The following HYDIN variants were observed in gnomAD, a reference collection of about 807,000 sequenced individuals.
HYDIN encodes the protein HYDIN axonemal central pair apparatus protein, also known as axonemal central pair apparatus protein HYDIN.
Under a neutral mutation model 403.9 loss-of-function variants are expected in HYDIN, and 132 were observed. That is an observed-to-expected ratio of 0.33 (90% CI 0.28 to 0.38). The LOEUF (loss-of-function observed/expected upper bound fraction) is 0.38. Ranked by LOEUF, HYDIN falls within the 10% of genes least tolerant of loss-of-function variation. The pLI, the probability that HYDIN is intolerant of heterozygous loss-of-function variation, is 1.00. For missense variants in HYDIN, 2,827 were observed against 5,009.5 expected (o/e 0.56, Z 13.15); for synonymous variants, 1,202 against 1,891.7 (o/e 0.64, Z 9.46).
intron 10 of HYDIN, among the ~76,000 whole-genome samples, chr16:71,111,086 TCAGAGAACA>T (rs757776214): frequency 0.6 from 46,421 of 77,078 alleles, 15,541 homozygotes; most frequent in East Asian, 0.8. Context: ...TATGGGCAAT[TCAGAGAACA>T]TAAGATTTAT....
intron 18 of HYDIN, among the ~76,000 whole-genome samples, chr16:71,056,729 A>C (rs2081910846): frequency 1.3e-5 from 2 of 152,286 alleles, no homozygotes; most frequent in Admixed American, 6.5e-5. Context: ...AAGAACTTCC[A>C]GCACCTGAAT....
chr16:70,933,109 G>T (rs2077397196), intron 45 of HYDIN, among the ~76,000 whole-genome samples: 1 of 151,740 alleles, frequency 6.6e-6, no homozygotes, highest in South Asian at 2.1e-4. Context: ...ACCAGGGGGT[G>T]TGATGATGGA....
At chr16:71,036,970 C>G (rs1204664429) in intron 18 of HYDIN, among the ~76,000 whole-genome samples, 1 of 144,612 alleles carries the variant, frequency 6.9e-6, no homozygotes, top group Admixed American at 7.0e-5. Context: ...GAGGGCATTC[C>G]GTAATTCTTT....
rs890461365 is a variant in HYDIN, at chr16:70,804,498, C to T, written c.*3082G>A. Among the ~76,000 whole-genome samples, 10 of 152,216 alleles carry T rather than the reference C, an allele frequency of 6.6e-5. No homozygotes were observed. Among genetic ancestry groups the T allele is most frequent in the South Asian group, 2.1e-4 (1 of 4,812 alleles). On this transcript the variant is annotated 3_prime_UTR_variant, in exon 86 of 86. Coordinates refer to ENST00000393567, the MANE Select transcript of HYDIN (RefSeq NM_001270974.2). ...CAGGTGACTGATTGGTTGGGTAAGA[C>T]GGATGAAATCATCAGGATGTGGAAA...
chr16:71,139,778 T>A (rs888131438), intron 7 of HYDIN, among the ~76,000 whole-genome samples: 3 of 152,020 alleles, frequency 2.0e-5, no homozygotes, highest in East Asian at 1.9e-4. Flanking sequence ...AAGTATTGAA[T>A]TGGAAACTCT....
rs930821705 is a variant in HYDIN at position 70,805,271 on chromosome 16, A to C, written c.*2309T>G. On this transcript the variant is annotated 3_prime_UTR_variant, in exon 86 of 86. Coordinates refer to ENST00000393567, the MANE Select transcript of HYDIN (RefSeq NM_001270974.2). Reference sequence around the variant, plus strand: ...CCTTAAAGTAGCACTCTCAGCTGCAATGTGCATGCAAATCGCCTGGAGGTC... The same window carrying C: ...CCTTAAAGTAGCACTCTCAGCTGCACTGTGCATGCAAATCGCCTGGAGGTC... 1.3e-5 allele frequency among the ~76,000 whole-genome samples: 2 copies of C among 152,226 alleles called. No individual in the cohort carries two copies. Among genetic ancestry groups the C allele is most frequent in the African/African-American group, 4.8e-5 (2 of 41,456 alleles).
At chr16:70,851,743 A>AAAAAC (rs374285081) in intron 73 of HYDIN, among the ~76,000 whole-genome samples, 4 of 141,022 alleles carry the variant, frequency 2.8e-5, no homozygotes, top group Non-Finnish European at 6.0e-5. Flanking sequence ...CAATCTCATA[A>AAAAAC]AAAACAAAAC....
Position 70,938,755 on chromosome 16 carries a change from T to G in HYDIN, c.6854A>C (p.Glu2285Ala). 1 of 1,614,100 alleles carries G rather than the reference T, an allele frequency of 6.2e-7. No individual in the cohort carries two copies. Among genetic ancestry groups the G allele is most frequent in the Admixed American group, 1.7e-5 (1 of 60,032 alleles). Residue 2285 changes from glutamate to alanine, a missense_variant and splice_region_variant, in exon 44 of 86, where the codon GAA becomes GCA. Physicochemically the swap from Glu to Ala is moderately radical, Grantham distance 107. Transcript: ENST00000393567. Reference sequence around the variant, plus strand: ...CTCAAGAGCTCCCTTGTGCTTGCGTTCTGTGAGGGGAACAGAGACGGGAAG... The same window carrying G: ...CTCAAGAGCTCCCTTGTGCTTGCGTGCTGTGAGGGGAACAGAGACGGGAAG... ...AQEKAKKEQE[E>A]RKHKGALEKE...
At chr16:71,141,408 G>A (rs2085166515) in intron 7 of HYDIN, among the ~76,000 whole-genome samples, 1 of 151,906 alleles carries the variant, frequency 6.6e-6, no homozygotes, top group Non-Finnish European at 1.5e-5. Flanking sequence ...TAACTTTAGA[G>A]AGGGAAAAGT....
At chr16:71,148,687 T>G (rs551135763) in intron 7 of HYDIN, among the ~76,000 whole-genome samples, 23 of 150,346 alleles carry the variant, frequency 1.5e-4, no homozygotes, top group Non-Finnish European at 2.9e-4. Flanking sequence ...TTAAGAAAAT[T>G]AATTTCTCAC....
In HYDIN at chr16:70,874,820, T is replaced by C. The variant is rs1330850502; in HGVS notation, c.10657A>G (p.Lys3553Glu). 6.2e-7 allele frequency: 1 copy of C among 1,613,564 alleles called. No individual in the cohort carries two copies. Among genetic ancestry groups the C allele is most frequent in the Non-Finnish European group, 8.5e-7 (1 of 1,179,794 alleles). Residue 3553 changes from lysine to glutamate, a missense_variant, in exon 63 of 86, where the codon AAA (lysine) becomes GAA (glutamate). Lys to Glu is a moderately conservative substitution (Grantham distance 56). Coordinates refer to ENST00000393567, the MANE Select transcript of HYDIN (RefSeq NM_001270974.2). The stretch of plus-strand genomic sequence containing the variant: ...GAAGCACCCTCCCCACACTTACCTT[T>C]TACATGTGGTTTATTTTCCTCTGTG... ...YITEENKPHV[K>E]AKKAHTASLV... is the part of the protein sequence containing the mutation.
At chr16:70,960,819 G>A (rs1198450363) in intron 38 of HYDIN, among the ~76,000 whole-genome samples, 5 of 151,900 alleles carry the variant, frequency 3.3e-5, no homozygotes, top group South Asian at 4.1e-4. Flanking sequence ...AGCCTCCCAA[G>A]TAGCTGGGAC....
chr16:71,001,025 G>A (rs2079690665), intron 23 of HYDIN, among the ~76,000 whole-genome samples: 1 of 144,988 alleles, frequency 6.9e-6, no homozygotes, highest in Admixed American at 7.0e-5. Flanking sequence ...ACCTTCTGCA[G>A]GGGCAGTTTC....
chr16:71,108,039 C>T (rs1486489849), intron 10 of HYDIN, among the ~76,000 whole-genome samples: 3 of 152,036 alleles, frequency 2.0e-5, no homozygotes, highest in South Asian at 2.1e-4. Context: ...AAGCTGGAGG[C>T]CATCATCCCT....
At chr16:70,965,254 C>T (rs2078538668) in intron 36 of HYDIN, among the ~76,000 whole-genome samples, 2 of 152,152 alleles carry the variant, frequency 1.3e-5, no homozygotes, top group Non-Finnish European at 1.5e-5. Context: ...TTCTTACCAA[C>T]AATATTGTGG....
At chr16:71,227,580 T>A (rs1455379931) in intron 1 of HYDIN, among the ~76,000 whole-genome samples, 2 of 152,068 alleles carry the variant, frequency 1.3e-5, no homozygotes. Context: ...TCAAAGAGAA[T>A]AAAATACCTA....
chr16:71,221,605 G>T (rs376066245), intron 1 of HYDIN, among the ~76,000 whole-genome samples: 1 of 151,548 alleles, frequency 6.6e-6, no homozygotes, highest in Non-Finnish European at 1.5e-5. Context: ...ACATCCTGTA[G>T]GAAAAGAAAT....
intron 75 of HYDIN, among the ~76,000 whole-genome samples, chr16:70,842,698 A>C (rs1345193424): frequency 5.3e-5 from 8 of 151,886 alleles, no homozygotes; most frequent in Non-Finnish European, 2.9e-5. Flanking sequence ...CTTTCTATTG[A>C]AGGGTTTAAC....
chr16:71,130,503 C>T (rs912675895), intron 8 of HYDIN, among the ~76,000 whole-genome samples: 1 of 97,354 alleles, frequency 1.0e-5, no homozygotes, highest in Non-Finnish European at 1.9e-5. Flanking sequence ...TTTTTTGAGA[C>T]GGAGTCTCGC....
Sources: allele counts gnomAD v4.1 joint callset (sites outside exome capture counted in the v4.1 genomes callset), GRCh38; gene constraint gnomAD v4.1.1; transcripts MANE v1.5; gene names NCBI Gene and HGNC (gene_info 2026-07-23, HGNC 2026-07-21).